ANKRD55: variants seen among roughly 807,000 people sequenced by gnomAD.
ANKRD55 encodes the protein ankyrin repeat domain-containing protein 55.
In ANKRD55, 41 loss-of-function variants were observed where a neutral mutation model predicts 60.6. The observed-to-expected ratio is 0.68, with a 90% confidence interval of 0.53 to 0.88. The LOEUF (loss-of-function observed/expected upper bound fraction) is 0.88. Ranked by LOEUF, ANKRD55 falls within the 40% of genes least tolerant of loss-of-function variation. The pLI is 0.00. For synonymous variants in ANKRD55, 264 were observed against 290.3 expected (o/e 0.91, Z 0.92); for missense variants, 732 against 767.6 (o/e 0.95, Z 0.55).
chr5:56,136,563 C>T (rs1757603428), intron 7 of ANKRD55, among the ~76,000 whole-genome samples: 1 of 152,072 alleles, frequency 6.6e-6, no homozygotes, highest in African/African-American at 2.4e-5. Context: ...AAAAAGTAAA[C>T]CTAGACACAG....
intron 7 of ANKRD55, chr5:56,137,005 G>C (rs2111745540): frequency 1.5e-6 from 1 of 684,970 alleles, no homozygotes; most frequent in East Asian, 2.8e-5. Flanking sequence ...TTGACCCAGA[G>C]AGCCCCACAA....
chr5:56,170,038 A>G (rs1267432390), intron 5 of ANKRD55, among the ~76,000 whole-genome samples: 1 of 152,166 alleles, frequency 6.6e-6, no homozygotes, highest in African/African-American at 2.4e-5. Flanking sequence ...CTTCTTGATC[A>G]TCCAATTTAC....
At chr5:56,132,753 T>G (rs1033954337) in intron 7 of ANKRD55, among the ~76,000 whole-genome samples, 1 of 152,132 alleles carries the variant, frequency 6.6e-6, no homozygotes, top group African/African-American at 2.4e-5. Context: ...AAGACCCAAC[T>G]ATATGTTGTC....
chr5:56,135,351 CTTTCT>C (rs764998445), intron 7 of ANKRD55, among the ~76,000 whole-genome samples: 8,487 of 32,058 alleles, frequency 0.26, 1,193 homozygotes, highest in Middle Eastern at 0.4. Context: ...TTCTTTCTTT[CTTTCT>C]TTCTTTCTTT....
intron 2 of ANKRD55, among the ~76,000 whole-genome samples, chr5:56,221,395 C>T (rs1316170319): frequency 6.6e-6 from 1 of 152,146 alleles, no homozygotes; most frequent in Non-Finnish European, 1.5e-5. Context: ...AGGAACAGCT[C>T]CAGTCTACAG....
chr5:56,160,208 C>T (rs1321448829), intron 5 of ANKRD55, among the ~76,000 whole-genome samples: 3 of 152,134 alleles, frequency 2.0e-5, no homozygotes, highest in Non-Finnish European at 4.4e-5. Flanking sequence ...TAGCCATGCC[C>T]TTTAAGATCC....
intron 5 of ANKRD55, among the ~76,000 whole-genome samples, chr5:56,165,243 C>A (rs1001350945): frequency 6.6e-6 from 1 of 152,104 alleles, no homozygotes; most frequent in Non-Finnish European, 1.5e-5. Context: ...GTGCATAGAT[C>A]CACACAAACA....
At chr5:56,100,685 GCTT>G (rs1258533620) in intron 11 of ANKRD55, among the ~76,000 whole-genome samples, 1 of 152,122 alleles carries the variant, frequency 6.6e-6, no homozygotes, top group African/African-American at 2.4e-5. Flanking sequence ...AGGCTCTCAG[GCTT>G]CTTTTAAGAA....
At chr5:56,127,327 C>A in intron 7 of ANKRD55, 1 of 985,208 alleles carries the variant, frequency 1.0e-6, no homozygotes, top group Non-Finnish European at 1.2e-6. Context: ...ATTTTTGTCT[C>A]CCACAGGAGC....
At chr5:56,193,121 A>C in intron 2 of ANKRD55, 1 of 689,900 alleles carries the variant, frequency 1.4e-6, no homozygotes, top group South Asian at 1.7e-5. Flanking sequence ...TAAAGAACAC[A>C]TTTATTTTAG....
intron 2 of ANKRD55, among the ~76,000 whole-genome samples, chr5:56,195,647 T>C (rs1419999313): frequency 1.3e-5 from 2 of 152,208 alleles, no homozygotes; most frequent in East Asian, 3.9e-4. Flanking sequence ...TTTTGCCATG[T>C]TGGCCAGGCT....
intron 2 of ANKRD55, among the ~76,000 whole-genome samples, chr5:56,208,798 A>G (rs1245315274): frequency 6.6e-6 from 1 of 152,098 alleles, no homozygotes; most frequent in East Asian, 1.9e-4. Flanking sequence ...CACCTGGATA[A>G]TGTGTTGTGC....
chr5:56,131,427 G>A (rs561791088), intron 7 of ANKRD55, among the ~76,000 whole-genome samples: 1 of 152,288 alleles, frequency 6.6e-6, no homozygotes, highest in African/African-American at 2.4e-5. Context: ...AAGTGAAGGA[G>A]CAATAAATAC....
chr5:56,173,105 A>G (rs1162119920), intron 4 of ANKRD55, among the ~76,000 whole-genome samples: 1 of 152,092 alleles, frequency 6.6e-6, no homozygotes, highest in Non-Finnish European at 1.5e-5. Flanking sequence ...AATATGTAAC[A>G]TTTCTCCTTC....
At chr5:56,124,603 G>T (rs1361486411) in intron 8 of ANKRD55, among the ~76,000 whole-genome samples, 3 of 152,074 alleles carry the variant, frequency 2.0e-5, no homozygotes, top group Admixed American at 2.0e-4. Flanking sequence ...TGCCTCTCAG[G>T]TTCAAGCAAT....
chr5:56,121,373 AC>A (rs1757048442), intron 8 of ANKRD55, among the ~76,000 whole-genome samples: 1 of 121,632 alleles, frequency 8.2e-6, no homozygotes, highest in African/African-American at 3.5e-5. Flanking sequence ...GTGTTCCACC[AC>A]TTTTTTTTTT....
chr5:56,186,832 C>G (rs1264934033), intron 2 of ANKRD55, among the ~76,000 whole-genome samples: 1 of 152,128 alleles, frequency 6.6e-6, no homozygotes, highest in African/African-American at 2.4e-5. Flanking sequence ...AGAAACAGGA[C>G]AAAGATGGAG....
intron 2 of ANKRD55, among the ~76,000 whole-genome samples, 179 bp from the exon 3 acceptor site, chr5:56,183,813 T>C (rs1290541621): frequency 6.6e-6 from 1 of 152,206 alleles, no homozygotes; most frequent in African/African-American, 2.4e-5. Context: ...GGTGGATCAC[T>C]CATGCCATTT....
intron 10 of ANKRD55, among the ~76,000 whole-genome samples, chr5:56,103,023 T>C (rs1299183867): frequency 6.6e-6 from 1 of 152,214 alleles, no homozygotes; most frequent in Non-Finnish European, 1.5e-5. Context: ...CTAGAAAACA[T>C]ACTGCTTTCC....
Sources: allele counts gnomAD v4.1 joint callset (sites outside exome capture counted in the v4.1 genomes callset), GRCh38; gene constraint gnomAD v4.1.1; transcripts MANE v1.5; gene names NCBI Gene and HGNC (gene_info 2026-07-23, HGNC 2026-07-21).